Variants in NAA16 observed in about 807,000 individuals in gnomAD.
NAA16 encodes NARG1-like protein.
A neutral mutation model predicts 110.3 loss-of-function variants in NAA16; 97 were observed. That is an observed-to-expected ratio of 0.88 (90% CI 0.75 to 1.04). NAA16 has a LOEUF of 1.04. NAA16 is among the 50% of genes least tolerant of loss of function. The pLI is 0.00. For missense variants in NAA16, 1,017 were observed against 1,005.1 expected (o/e 1.01, Z -0.16); for synonymous variants, 372 against 330.6 (o/e 1.13, Z -1.36).
intron 4 of NAA16, among the ~76,000 whole-genome samples, chr13:41,321,663 C>A (rs1324126922): frequency 1.3e-5 from 2 of 152,198 alleles, no homozygotes; most frequent in Non-Finnish European, 2.9e-5. Context: ...ATCAGTCTTT[C>A]TGTAGTTGAG....
At chr13:41,357,998 C>T (rs757795134) in intron 10 of NAA16, among the ~76,000 whole-genome samples, 2 of 152,212 alleles carry the variant, frequency 1.3e-5, no homozygotes, top group Non-Finnish European at 2.9e-5. Flanking sequence ...CCTGGTCTTG[C>T]TGCCCTTTTG....
chr13:41,321,265 C>T (rs1317384323), intron 4 of NAA16, among the ~76,000 whole-genome samples: 2 of 152,152 alleles, frequency 1.3e-5, no homozygotes, highest in Non-Finnish European at 2.9e-5. Context: ...CTACTGCACT[C>T]CAGCCTGGGC....
chr13:41,343,387 G>C (rs1340115480), intron 9 of NAA16, among the ~76,000 whole-genome samples: 1 of 152,166 alleles, frequency 6.6e-6, no homozygotes, highest in Non-Finnish European at 1.5e-5. Context: ...ACCACGCCTA[G>C]CTCTAAGAGC....
Position 41,358,404 on chromosome 13 carries a change from T to C in NAA16, c.1188T>C (p.Tyr396=), listed in dbSNP as rs771747823. The stretch of plus-strand genomic sequence containing the variant: ...GACAGTATTCTTTGGCTTTGGATTA[T>C]ATTAATGCTGCAATTGCTAGTACTC... ...KLGQYSLALD[Y]INAAIASTPT... The change falls in exon 11 of 20, where the codon TAT becomes TAC. Residue 396 remains tyrosine, a synonymous_variant. Coordinates refer to ENST00000379406, the MANE Select transcript of NAA16 (RefSeq NM_024561.5). The C allele has an allele frequency of 1.2e-6, 2 of 1,613,504 alleles. No individual in the cohort carries two copies. The highest frequency in any genetic ancestry group is 2.2e-5 in the South Asian group (2 of 91,070).
intron 9 of NAA16, among the ~76,000 whole-genome samples, chr13:41,342,808 A>G (rs1401919636): frequency 2.0e-5 from 3 of 152,186 alleles, no homozygotes; most frequent in Non-Finnish European, 4.4e-5. Flanking sequence ...GTGTATTACC[A>G]TTTCACATTG....
chr13:41,320,880 G>A (rs995147796), intron 4 of NAA16, 56 bp downstream of exon 4: 85 of 1,478,862 alleles, frequency 5.7e-5, no homozygotes, highest in Non-Finnish European at 7.2e-5. Flanking sequence ...ATTTAAGAGC[G>A]TGTCATTTCA....
At chr13:41,371,294 T>G (rs1325448173) in intron 15 of NAA16, among the ~76,000 whole-genome samples, 1 of 152,240 alleles carries the variant, frequency 6.6e-6, no homozygotes, top group South Asian at 2.1e-4. Context: ...TTTTGACTTT[T>G]ATGACATGGA....
intron 9 of NAA16, among the ~76,000 whole-genome samples, chr13:41,351,209 A>G (rs564335530): frequency 1.0e-3 from 154 of 152,332 alleles, no homozygotes; most frequent in Non-Finnish European, 1.5e-3. Context: ...ATTAAATAAT[A>G]AAGTTTGTAA....
In NAA16 at chr13:41,358,373, A is replaced by G; in HGVS notation, c.1157A>G (p.Lys386Arg). The change falls in exon 11 of 20, where the codon AAA (lysine) becomes AGA (arginine). Residue 386 changes from lysine to arginine, a missense_variant. By Grantham distance (26) the Lys-to-Arg change is conservative (BLOSUM62 2). Transcript: ENST00000379406. The part of the protein sequence containing the change: ...VQYFLAQHFD[K>R]LGQYSLALDY... ...TATTTCCTGGCACAGCACTTTGATAAACTTGGACAGTATTCTTTGGCTTTG... is the reference window on the plus strand; with the variant it reads ...TATTTCCTGGCACAGCACTTTGATAGACTTGGACAGTATTCTTTGGCTTTG... The G allele has an allele frequency of 1.2e-6, 2 of 1,613,962 alleles. No homozygotes were observed. Among genetic ancestry groups the G allele is most frequent in the Non-Finnish European group, 1.7e-6 (2 of 1,179,888 alleles).
At chr13:41,349,295 A>G (rs574674123) in intron 9 of NAA16, among the ~76,000 whole-genome samples, 2 of 151,784 alleles carry the variant, frequency 1.3e-5, no homozygotes, top group Admixed American at 6.6e-5. Flanking sequence ...AAGTGATCCT[A>G]CTACCTCAGC....
At chr13:41,358,696 A>C (rs2043046580) in intron 11 of NAA16, 114 bp from the exon 12 acceptor site, 1 of 1,446,358 alleles carries the variant, frequency 6.9e-7, no homozygotes, top group Non-Finnish European at 9.1e-7. Context: ...TTTCTAAATA[A>C]ATTTGACAGA....
chr13:41,332,559 T>C (rs1404086363), intron 8 of NAA16, among the ~76,000 whole-genome samples: 1 of 152,196 alleles, frequency 6.6e-6, no homozygotes, highest in Non-Finnish European at 1.5e-5. Flanking sequence ...TAAAAAATTA[T>C]GTGTTTTTGT....
intron 8 of NAA16, among the ~76,000 whole-genome samples, chr13:41,335,075 A>G (rs773284337): frequency 5.3e-5 from 8 of 152,222 alleles, no homozygotes; most frequent in African/African-American, 7.2e-5. Flanking sequence ...AAATTTGTCA[A>G]TATGATCTGA....
intron 18 of NAA16, chr13:41,374,015 T>G (rs9525479): frequency 0.69 from 284,265 of 409,470 alleles, 104,072 homozygotes; most frequent in South Asian, 0.78. Context: ...GGGCAAATAC[T>G]TTTATAATAA....
At chr13:41,331,235 T>G (rs898034241) in intron 7 of NAA16, 39 bp from the exon 8 acceptor site, 1 of 1,262,846 alleles carries the variant, frequency 7.9e-7, no homozygotes, top group African/African-American at 1.5e-5. Flanking sequence ...AGATAAAAGT[T>G]TTGATGCTAT....
chr13:41,375,112 G>A lies in NAA16; in HGVS notation c.2397+273G>A, dbSNP rs1593540449. Among the ~76,000 whole-genome samples, 8 of 152,356 alleles carry A rather than the reference G, an allele frequency of 5.3e-5. 1 individual carries two copies. The South Asian group carries it at 1.7e-3, about 32-fold the overall frequency. ...TGAAGTCCTTAGTGCCTGGCACGTT[G>A]TTAAGTACTCAGTAAATGTGGGCTA... On this transcript the variant is annotated intron_variant, in intron 19 of 19. Coordinates refer to ENST00000379406, the MANE Select transcript of NAA16 (RefSeq NM_024561.5).
rs561487096 is a variant in NAA16, at chr13:41,349,886, G to A, written c.1015-5258G>A. 3.9e-4 allele frequency among the ~76,000 whole-genome samples: 60 copies of A among 152,002 alleles called. 1 individual carries two copies. The South Asian group carries it at 5.0e-3, about 13-fold the overall frequency. Reference sequence around the variant, plus strand: ...TGAGGCAGGAGAATCGCTTGAACCCGGGAGGGGGCAGTTGCAGTGAGCTGA... The same window carrying A: ...TGAGGCAGGAGAATCGCTTGAACCCAGGAGGGGGCAGTTGCAGTGAGCTGA... On this transcript the variant is annotated intron_variant, in intron 9 of 19. Coordinates refer to ENST00000379406, the MANE Select transcript of NAA16 (RefSeq NM_024561.5).
At chr13:41,323,026 A>C (rs1335754333) in intron 4 of NAA16, 30 bp from the exon 5 acceptor site, 1 of 1,601,510 alleles carries the variant, frequency 6.2e-7, no homozygotes, top group Non-Finnish European at 8.5e-7. Flanking sequence ...GTTTTAGAGA[A>C]TATTTAGCAA....
intron 8 of NAA16, among the ~76,000 whole-genome samples, chr13:41,333,957 G>A (rs74049122): frequency 0.074 from 11,255 of 151,984 alleles, 1,381 homozygotes; most frequent in African/African-American, 0.26. Context: ...GGTCTCAGTG[G>A]AGGGGTCTGA....
Sources: gnomAD v4.1 joint callset for allele counts (sites outside exome capture counted in the v4.1 genomes callset) on GRCh38, gnomAD v4.1.1 for gene constraint, MANE v1.5 for transcripts, NCBI Gene and HGNC (gene_info 2026-07-23, HGNC 2026-07-21) for gene names.